The following SNTG1 variants were observed in gnomAD, a reference collection of about 807,000 sequenced individuals.
SNTG1 encodes gamma-1-syntrophin.
SNTG1 carries 39 observed loss-of-function variants against 74.7 expected under a neutral mutation model. The ratio of observed to expected loss-of-function variants is 0.52; its 90% CI spans 0.40 to 0.68. The LOEUF is 0.68. Among genes scored for constraint, SNTG1 ranks in the 30% least tolerant of loss-of-function variants. SNTG1 has a pLI of 0.00. For synonymous variants in SNTG1, 254 were observed against 217.1 expected (o/e 1.17, Z -1.49); for missense variants, 685 against 609.5 (o/e 1.12, Z -1.30).
chr8:50,685,656 A>T (rs905215484), intron 15 of SNTG1, among the ~76,000 whole-genome samples: 1 of 152,180 alleles, frequency 6.6e-6, no homozygotes, highest in Non-Finnish European at 1.5e-5. Context: ...AAATATTATT[A>T]TTAACAGGAA....
intron 1 of SNTG1, among the ~76,000 whole-genome samples, chr8:50,113,214 G>C (rs1410151728): frequency 6.6e-6 from 1 of 152,134 alleles, no homozygotes; most frequent in African/African-American, 2.4e-5. Context: ...TCAGGATATT[G>C]ATTCTTCCTA....
At chr8:50,095,297 A>AC (rs2079886035) in intron 1 of SNTG1, among the ~76,000 whole-genome samples, 1 of 152,150 alleles carries the variant, frequency 6.6e-6, no homozygotes, top group African/African-American at 2.4e-5. Context: ...ACATACCCCC[A>AC]AACCTACAAT....
At chr8:50,726,848 CA>C (rs1253603189) in intron 17 of SNTG1, among the ~76,000 whole-genome samples, 22 of 151,148 alleles carry the variant, frequency 1.5e-4, no homozygotes, top group South Asian at 2.1e-4. Flanking sequence ...GACTCTGTCT[CA>C]AAAAACAATA....
intron 1 of SNTG1, among the ~76,000 whole-genome samples, chr8:49,924,920 C>T (rs997622537): frequency 2.0e-5 from 3 of 151,922 alleles, no homozygotes; most frequent in Non-Finnish European, 2.9e-5. Context: ...AAGTCTGAGG[C>T]AGGAGGATCG....
intron 1 of SNTG1, among the ~76,000 whole-genome samples, chr8:49,931,489 C>A (rs1807586219): frequency 6.6e-6 from 1 of 152,084 alleles, no homozygotes; most frequent in South Asian, 2.1e-4. Flanking sequence ...GATCCGTAAC[C>A]CAAACCTCAG....
chr8:50,206,370 G>C lies in SNTG1; in HGVS notation c.-28+33735G>C, dbSNP rs191605039. 2.2e-4 allele frequency among the ~76,000 whole-genome samples: 33 copies of C among 152,190 alleles called. No homozygotes were observed. The East Asian group carries it at 6.4e-3, about 29-fold the overall frequency. On this transcript the variant is annotated intron_variant, in intron 2 of 18. Coordinates refer to ENST00000642720, the MANE Select transcript of SNTG1 (RefSeq NM_018967.5). Reference sequence around the variant, plus strand: ...TCACTCTTTATTTGGCTCTCTGTTTGTCTGTTATTGGTGTGTAAGAATGCT... The same window carrying C: ...TCACTCTTTATTTGGCTCTCTGTTTCTCTGTTATTGGTGTGTAAGAATGCT...
At chr8:50,075,992 A>G (rs1233257177) in intron 1 of SNTG1, among the ~76,000 whole-genome samples, 1 of 152,214 alleles carries the variant, frequency 6.6e-6, no homozygotes, top group Non-Finnish European at 1.5e-5. Flanking sequence ...CAGTGAGACC[A>G]AGAAACCACC....
chr8:50,780,040 C>A (rs1399774472), intron 18 of SNTG1, among the ~76,000 whole-genome samples: 1 of 152,084 alleles, frequency 6.6e-6, no homozygotes, highest in Non-Finnish European at 1.5e-5. Context: ...GCCTTGCATC[C>A]TAGGGATGAA....
At chr8:50,497,644 C>A (rs973651524) in intron 8 of SNTG1, among the ~76,000 whole-genome samples, 1 of 151,968 alleles carries the variant, frequency 6.6e-6, no homozygotes, top group African/African-American at 2.4e-5. Context: ...GAATTGTTAT[C>A]TTCACAGTAC....
At chr8:50,023,992 A>G (rs1260188906) in intron 1 of SNTG1, among the ~76,000 whole-genome samples, 1 of 152,098 alleles carries the variant, frequency 6.6e-6, no homozygotes. Context: ...AGAGTTCACT[A>G]AAATAAACCA....
chr8:50,428,136 T>C (rs73581344), intron 4 of SNTG1, among the ~76,000 whole-genome samples: 4,246 of 152,160 alleles, frequency 0.028, 186 homozygotes, highest in African/African-American at 0.096. Context: ...CAACATAAAC[T>C]ACATTTCTAC....
chr8:50,139,451 C>T (rs1039706037), intron 1 of SNTG1, among the ~76,000 whole-genome samples: 1 of 152,050 alleles, frequency 6.6e-6, no homozygotes, highest in South Asian at 2.1e-4. Context: ...ACTAGCACTC[C>T]CAGAAGAGCT....
chr8:50,247,995 A>G (rs1458142471), intron 2 of SNTG1, among the ~76,000 whole-genome samples: 1 of 152,030 alleles, frequency 6.6e-6, no homozygotes, highest in Non-Finnish European at 1.5e-5. Context: ...TGGCTTATAT[A>G]TGGTTATGGT....
At chr8:50,665,038 G>A (rs1201924954) in intron 15 of SNTG1, among the ~76,000 whole-genome samples, 2 of 152,254 alleles carry the variant, frequency 1.3e-5, no homozygotes, top group East Asian at 1.9e-4. Context: ...TTTTTAAACA[G>A]TATTTTTCAT....
intron 15 of SNTG1, among the ~76,000 whole-genome samples, chr8:50,690,085 G>A (rs184430849): frequency 4.3e-4 from 66 of 152,140 alleles, no homozygotes; most frequent in African/African-American, 1.1e-3. Context: ...CTGTGGGATC[G>A]GTGGTGATAT....
At position 50,097,696 on chromosome 8, in the gene SNTG1, G is replaced by T. The variant is rs140041636; in HGVS notation, c.-102-74865G>T. On this transcript the variant is annotated intron_variant, in intron 1 of 18. Transcript: ENST00000642720. The stretch of plus-strand genomic sequence containing the variant: ...GAAACTAAGGAGAGTTACAAGTATA[G>T]TGTATACTTTATGTACTTTAAGATT... Among the ~76,000 whole-genome samples the T allele has an allele frequency of 1.7e-3, 253 of 152,086 alleles. 1 individual carries two copies. The highest frequency in any genetic ancestry group is 6.0e-3 in the South Asian group (29 of 4,820).
chr8:50,619,849 C>T (rs905768125), intron 13 of SNTG1, among the ~76,000 whole-genome samples: 18 of 151,658 alleles, frequency 1.2e-4, no homozygotes, highest in African/African-American at 4.4e-4. Flanking sequence ...CTGATTTAAC[C>T]CCTTTCTATT....
intron 1 of SNTG1, among the ~76,000 whole-genome samples, chr8:50,089,698 CA>C: frequency 1.3e-5 from 2 of 152,144 alleles, no homozygotes; most frequent in Non-Finnish European, 2.9e-5. Context: ...AAATCAAAAC[CA>C]CAATGAGATA....
At chr8:49,923,252 A>G (rs1400536245) in intron 1 of SNTG1, among the ~76,000 whole-genome samples, 1 of 152,176 alleles carries the variant, frequency 6.6e-6, no homozygotes, top group Non-Finnish European at 1.5e-5. Flanking sequence ...GTATAATTCA[A>G]TGTTGGGATT....
Sources: allele counts gnomAD v4.1 joint callset (sites outside exome capture counted in the v4.1 genomes callset), GRCh38; gene constraint gnomAD v4.1.1; transcripts MANE v1.5; gene names NCBI Gene and HGNC (gene_info 2026-07-23, HGNC 2026-07-21).